Variants in MAP2 observed in about 807,000 individuals in gnomAD.
MAP2 encodes the protein microtubule-associated protein 2.
A neutral mutation model predicts 137.6 loss-of-function variants in MAP2; 14 were observed. That is an observed-to-expected ratio of 0.10 (90% confidence interval 0.07 to 0.16). MAP2 has a LOEUF of 0.16. Among genes scored for constraint, MAP2 ranks in the 10% least tolerant of loss-of-function variants. MAP2 has a pLI of 1.00. For synonymous variants in MAP2, 786 were observed against 782.3 expected, an observed-to-expected ratio of 1.00 and a Z score of -0.08; for missense variants, 2,088 against 2,191.5, an observed-to-expected ratio of 0.95 and a Z score of 0.94.
At chr2:209,544,792 C>A (rs1158515124) in intron 2 of MAP2, among the ~76,000 whole-genome samples, 1 of 152,148 alleles carries the variant, frequency 6.6e-6, no homozygotes, top group East Asian at 1.9e-4. Flanking sequence ...TGTAAGTAGT[C>A]AGCATTGTAA....
chr2:209,677,167 C>G lies in MAP2; in HGVS notation c.263-1405C>G, dbSNP rs13031548. 1.1e-3 allele frequency among the ~76,000 whole-genome samples: 172 copies of G among 151,864 alleles called. 1 individual carries two copies. The highest frequency in any genetic ancestry group is 1.9e-3 in the Non-Finnish European group (132 of 67,880). ...TCACTGAGTAGCATAGCAGATAATC[C>G]TCCTCATAATGCTTTGGTGACTGTT... is the stretch of plus-strand genomic sequence containing the variant. On this transcript the variant is annotated intron_variant, in intron 5 of 15. Transcript: ENST00000682079.
chr2:209,533,075 T>G (rs566098574), intron 2 of MAP2, among the ~76,000 whole-genome samples: 1 of 152,278 alleles, frequency 6.6e-6, no homozygotes, highest in Non-Finnish European at 1.5e-5. Flanking sequence ...TTTTACTTTC[T>G]CATTATTCTT....
intron 2 of MAP2, among the ~76,000 whole-genome samples, chr2:209,556,318 G>A (rs909559699): frequency 2.0e-5 from 3 of 152,186 alleles, no homozygotes; most frequent in East Asian, 3.9e-4. Flanking sequence ...TGCAGGGATT[G>A]TAGGCGCGAG....
intron 4 of MAP2, among the ~76,000 whole-genome samples, chr2:209,644,738 G>GT (rs1183291110): frequency 2.0e-5 from 3 of 150,406 alleles, no homozygotes; most frequent in African/African-American, 7.3e-5. Context: ...TGTTTTGATA[G>GT]TTTTTTATAT....
intron 10 of MAP2, among the ~76,000 whole-genome samples, chr2:209,697,911 C>T (rs1308273844): frequency 1.3e-5 from 2 of 152,094 alleles, no homozygotes; most frequent in Admixed American, 6.6e-5. Context: ...TGCAGTGGCA[C>T]GACCTCGGCT....
chr2:209,504,774 A>T (rs2060827848), intron 1 of MAP2, among the ~76,000 whole-genome samples: 2 of 152,072 alleles, frequency 1.3e-5, no homozygotes, highest in Admixed American at 6.6e-5. Context: ...GTGAATATTT[A>T]GATATAAATC....
chr2:209,665,466 A>G (rs2153647523), intron 5 of MAP2, among the ~76,000 whole-genome samples: 1 of 152,334 alleles, frequency 6.6e-6, no homozygotes, highest in Admixed American at 6.5e-5. Context: ...CTCTGACTAT[A>G]AATAAGGATT....
chr2:209,597,522 G>C (rs1030615829), intron 3 of MAP2, among the ~76,000 whole-genome samples: 2 of 152,030 alleles, frequency 1.3e-5, no homozygotes, highest in Non-Finnish European at 1.5e-5. Flanking sequence ...ATCAACCCTT[G>C]CTTCACAGGC....
At chr2:209,582,222 C>T (rs1374426300) in intron 3 of MAP2, among the ~76,000 whole-genome samples, 1 of 151,960 alleles carries the variant, frequency 6.6e-6, no homozygotes. Context: ...CACTGTGAAA[C>T]AGACATCTGG....
At chr2:209,522,126 T>C (rs1173036356) in intron 2 of MAP2, among the ~76,000 whole-genome samples, 3 of 152,086 alleles carry the variant, frequency 2.0e-5, no homozygotes, top group African/African-American at 7.2e-5. Context: ...AGTGCCCCAT[T>C]AGGATTGATG....
chr2:209,490,724 A>C (rs1011649351), intron 1 of MAP2, among the ~76,000 whole-genome samples: 2 of 152,000 alleles, frequency 1.3e-5, no homozygotes, highest in Admixed American at 6.6e-5. Context: ...GTAATGGTAA[A>C]GAGATCAATG....
chr2:209,487,748 A>G (rs2058566055), intron 1 of MAP2, among the ~76,000 whole-genome samples: 1 of 152,240 alleles, frequency 6.6e-6, no homozygotes, highest in Non-Finnish European at 1.5e-5. Flanking sequence ...CATTATCCAC[A>G]TAAATACAGC....
chr2:209,564,737 C>T (rs1382045027), intron 2 of MAP2, among the ~76,000 whole-genome samples: 1 of 151,976 alleles, frequency 6.6e-6, no homozygotes, highest in Non-Finnish European at 1.5e-5. Context: ...TTCTCATAAT[C>T]CTCACTTCTT....
intron 3 of MAP2, among the ~76,000 whole-genome samples, chr2:209,602,451 C>G (rs2083286932): frequency 1.3e-5 from 2 of 152,180 alleles, no homozygotes; most frequent in African/African-American, 4.8e-5. Context: ...TGGCAGTCAC[C>G]TTGGCCTCTT....
chr2:209,688,285 CTGGGGAAGAACATATTCT>C (rs1238664360), intron 7 of MAP2, among the ~76,000 whole-genome samples: 1 of 152,098 alleles, frequency 6.6e-6, no homozygotes, highest in Non-Finnish European at 1.5e-5. Context: ...CAATAATCAG[CTGGGGAAGAACATATTCT>C]TTACCCAAAC....
At chr2:209,720,768 G>A (rs886661387) in intron 13 of MAP2, among the ~76,000 whole-genome samples, 2 of 150,522 alleles carry the variant, frequency 1.3e-5, no homozygotes, top group Admixed American at 6.6e-5. Flanking sequence ...TAGCTTTTTC[G>A]TTAAATAGTA....
At chr2:209,449,285 A>T (rs929580443) in intron 1 of MAP2, among the ~76,000 whole-genome samples, 1 of 152,092 alleles carries the variant, frequency 6.6e-6, no homozygotes, top group Non-Finnish European at 1.5e-5. Flanking sequence ...GAATCAAAAA[A>T]TTTTTTCAGG....
intron 5 of MAP2, among the ~76,000 whole-genome samples, chr2:209,655,116 C>T (rs1251146675): frequency 2.0e-5 from 3 of 152,170 alleles, no homozygotes; most frequent in Non-Finnish European, 4.4e-5. Context: ...TGTATTATCA[C>T]CAGCTTCTCT....
At chr2:209,527,841 A>G (rs2064314834) in intron 2 of MAP2, among the ~76,000 whole-genome samples, 1 of 152,194 alleles carries the variant, frequency 6.6e-6, no homozygotes, top group South Asian at 2.1e-4. Context: ...GCGTTTTGTC[A>G]AGTCTTCCAA....
Sources: gnomAD v4.1 joint callset for allele counts (sites outside exome capture counted in the v4.1 genomes callset) on GRCh38, gnomAD v4.1.1 for gene constraint, MANE v1.5 for transcripts, NCBI Gene and HGNC (gene_info 2026-07-23, HGNC 2026-07-21) for gene names.